SOCS5: variants seen among roughly 807,000 people sequenced by gnomAD.
SOCS5 encodes the protein CIS-6.
In SOCS5, 32 loss-of-function variants were observed where a neutral mutation model predicts 42.8. That is an observed-to-expected ratio of 0.75 (90% confidence interval 0.56 to 1.01). SOCS5 has a LOEUF of 1.01. Among genes scored for constraint, SOCS5 ranks in the 50% least tolerant of loss-of-function variants. The probability of loss-of-function intolerance (pLI) is 0.00; values close to 1 mark genes in which losing one functional copy is unlikely to be tolerated. For missense variants in SOCS5, 627 were observed against 653.0 expected (o/e 0.96, Z 0.43); for synonymous variants, 283 against 229.6 (o/e 1.23, Z -2.10).
intron 1 of SOCS5, among the ~76,000 whole-genome samples, chr2:46,723,952 T>G (rs150891198): frequency 1.3e-5 from 2 of 152,204 alleles, no homozygotes; most frequent in African/African-American, 4.8e-5. Flanking sequence ...CATTGTGTTA[T>G]TAGTTGTACT....
intron 1 of SOCS5, among the ~76,000 whole-genome samples, chr2:46,732,955 C>T (rs1453900759): frequency 5.9e-5 from 9 of 152,010 alleles, no homozygotes; most frequent in Admixed American, 1.3e-4. Flanking sequence ...TAGCTTTATT[C>T]TTACAATGTT....
Position 46,749,389 on chromosome 2 carries a change from G to C in SOCS5, c.-12-9130G>C, listed in dbSNP as rs370291133. ...GTTATCCTGGAAAGGCCGAGACTTAGGTCTCTAACACAGCTAGTGGGAGCT... is the reference window on the plus strand; with the variant it reads ...GTTATCCTGGAAAGGCCGAGACTTACGTCTCTAACACAGCTAGTGGGAGCT... On this transcript the variant is annotated intron_variant, in intron 1 of 1. Coordinates refer to ENST00000394861, the MANE Select transcript of SOCS5 (RefSeq NM_144949.3). Among the ~76,000 whole-genome samples, 10 of 152,116 alleles carry C rather than the reference G, an allele frequency of 6.6e-5. 1 individual carries two copies. Among genetic ancestry groups the C allele is most frequent in the Non-Finnish European group, 1.2e-4 (8 of 68,034 alleles).
intron 1 of SOCS5, among the ~76,000 whole-genome samples, chr2:46,712,315 T>TC (rs1672640747): frequency 1.3e-5 from 2 of 150,362 alleles, no homozygotes; most frequent in Non-Finnish European, 3.0e-5. Flanking sequence ...GCTTTTTTTT[T>TC]TCCCACAAGT....
At chr2:46,758,245 C>T (rs1673771029) in intron 1 of SOCS5, among the ~76,000 whole-genome samples, 1 of 152,158 alleles carries the variant, frequency 6.6e-6, no homozygotes, top group Non-Finnish European at 1.5e-5. Flanking sequence ...AGTTTAAGAG[C>T]GTTTATTTTC....
chr2:46,760,171 G>C lies in SOCS5; in HGVS notation c.*30G>C, dbSNP rs746892330. On this transcript the variant is annotated 3_prime_UTR_variant, in exon 2 of 2. Transcript: ENST00000394861. ...TCCGGTCCCCAAAGGTTGTTAACTA[G>C]GTCCGCTTTCATGTGCATCAGACAG... The C allele has an allele frequency of 7.1e-6, 11 of 1,550,932 alleles. No individual in the cohort carries two copies. Among genetic ancestry groups the C allele is most frequent in the Non-Finnish European group, 9.7e-6 (11 of 1,134,946 alleles).
At position 46,760,721 on chromosome 2, in the gene SOCS5, G is replaced by C. The variant is rs1331026713; in HGVS notation, c.*580G>C. ...CAGACGCCTTTTCTCTTCTGCAAAA[G>C]GTACTGTTAAGTAAACCAGATTTTC... On this transcript the variant is annotated 3_prime_UTR_variant, in exon 2 of 2. Transcript: ENST00000394861. The C allele has an allele frequency of 6.0e-6, 1 of 167,044 alleles. No individual in the cohort carries two copies. Among genetic ancestry groups the C allele is most frequent in the East Asian group, 1.9e-4 (1 of 5,208 alleles). The allele number at this position is 167,044 out of a possible 1,614,324, so 10.3% of individuals were successfully genotyped here.
At chr2:46,752,950 T>C (rs1673655961) in intron 1 of SOCS5, among the ~76,000 whole-genome samples, 1 of 152,192 alleles carries the variant, frequency 6.6e-6, no homozygotes, top group Admixed American at 6.5e-5. Flanking sequence ...CATCTGAACA[T>C]CTCATAGCCA....
intron 1 of SOCS5, among the ~76,000 whole-genome samples, chr2:46,733,861 A>G (rs1490644654): frequency 6.6e-6 from 1 of 152,228 alleles, no homozygotes; most frequent in African/African-American, 2.4e-5. Context: ...CACCAAGAGT[A>G]ATTGAAAGCA....
rs539224829 is a variant in SOCS5, at chr2:46,712,986, G to A, written c.-13+13537G>A. On this transcript the variant is annotated intron_variant, in intron 1 of 1. Coordinates refer to ENST00000394861, the MANE Select transcript of SOCS5 (RefSeq NM_144949.3). ...GATGTTCTTCGTTAAATGTTTGATG[G>A]AATTTATCAATGAAGCCATCTGGAC... is the stretch of plus-strand genomic sequence containing the variant. Among the ~76,000 whole-genome samples the A allele has an allele frequency of 1.8e-4, 27 of 152,214 alleles. No homozygotes were observed. The South Asian group carries it at 5.4e-3, about 30-fold the overall frequency.
chr2:46,719,309 G>A (rs887007731), intron 1 of SOCS5, among the ~76,000 whole-genome samples: 25 of 152,074 alleles, frequency 1.6e-4, no homozygotes, highest in African/African-American at 6.0e-4. Context: ...TTTAATGAAA[G>A]GAACACTTAT....
At chr2:46,744,425 C>CATAT (rs898095979) in intron 1 of SOCS5, among the ~76,000 whole-genome samples, 1 of 151,872 alleles carries the variant, frequency 6.6e-6, no homozygotes, top group Non-Finnish European at 1.5e-5. Context: ...ATACAAACCA[C>CATAT]ATATATATCT....
chr2:46,726,065 G>A (rs1672983363), intron 1 of SOCS5, among the ~76,000 whole-genome samples: 1 of 151,322 alleles, frequency 6.6e-6, no homozygotes, highest in Admixed American at 6.6e-5. Context: ...GATATGTCTG[G>A]GCATGGATTT....
chr2:46,736,298 C>T (rs763234054), intron 1 of SOCS5, among the ~76,000 whole-genome samples: 3 of 152,166 alleles, frequency 2.0e-5, no homozygotes, highest in Admixed American at 6.5e-5. Context: ...CTGCCTTGGC[C>T]TCCCAAAGTG....
chr2:46,759,806 C>T lies in SOCS5; in HGVS notation c.1276C>T (p.Leu426=). 2 of 1,614,192 alleles carry T rather than the reference C, an allele frequency of 1.2e-6. No individual in the cohort carries two copies. Among genetic ancestry groups the T allele is most frequent in the South Asian group, 2.2e-5 (2 of 91,078 alleles). Residue 426 remains leucine, a synonymous_variant, in exon 2 of 2, where the codon CTG becomes TTG. Transcript: ENST00000394861. ...GAGCTTCCGCCGCTACAACAGATCCCTGCATGCCCGAATTGAGCAGTGGAA... is the reference window on the plus strand; with the variant it reads ...GAGCTTCCGCCGCTACAACAGATCCTTGCATGCCCGAATTGAGCAGTGGAA... The part of the protein sequence containing the change: ...SVSFRRYNRS[L]HARIEQWNHN...
intron 1 of SOCS5, among the ~76,000 whole-genome samples, chr2:46,703,310 A>G (rs1039865038): frequency 2.0e-5 from 3 of 151,656 alleles, no homozygotes; most frequent in Admixed American, 1.3e-4. Context: ...AAGTGATGCT[A>G]GCAGGGCTAA....
intron 1 of SOCS5, among the ~76,000 whole-genome samples, chr2:46,734,063 A>G (rs1673187802): frequency 6.6e-6 from 1 of 152,200 alleles, no homozygotes; most frequent in Non-Finnish European, 1.5e-5. Flanking sequence ...GATCTTTGAC[A>G]CTTTGGACAG....
chr2:46,717,623 A>G (rs759606737), intron 1 of SOCS5, among the ~76,000 whole-genome samples: 46 of 152,084 alleles, frequency 3.0e-4, no homozygotes, highest in Non-Finnish European at 5.3e-4. Context: ...ATAATTGCTC[A>G]CTTAATGCAG....
chr2:46,721,800 T>C (rs760732517), intron 1 of SOCS5, among the ~76,000 whole-genome samples: 2 of 152,174 alleles, frequency 1.3e-5, no homozygotes, highest in African/African-American at 2.4e-5. Flanking sequence ...AAAAGAAATA[T>C]TTCATGCCTT....
chr2:46,749,963 A>G (rs1178015534), intron 1 of SOCS5, among the ~76,000 whole-genome samples: 3 of 151,674 alleles, frequency 2.0e-5, no homozygotes, highest in African/African-American at 7.3e-5. Flanking sequence ...CATTTTTAAA[A>G]CCTCTCTGTC....
Sources: gnomAD v4.1 joint callset for allele counts (sites outside exome capture counted in the v4.1 genomes callset) on GRCh38, gnomAD v4.1.1 for gene constraint, MANE v1.5 for transcripts, NCBI Gene and HGNC (gene_info 2026-07-23, HGNC 2026-07-21) for gene names.